The following TMEM26 variants were observed in gnomAD, a reference collection of about 807,000 sequenced individuals.
The protein encoded by TMEM26 is transmembrane protein 26.
In TMEM26, 38 loss-of-function variants were observed where a neutral mutation model predicts 28.8. The observed-to-expected ratio is 1.32, with a 90% CI of 1.02 to 1.73. The LOEUF (loss-of-function observed/expected upper bound fraction) is 1.73. Among genes scored for constraint, TMEM26 ranks in the 40% most tolerant of loss-of-function variants. The pLI is 0.00. For missense variants in TMEM26, 518 were observed against 447.1 expected (o/e 1.16, Z -1.43); for synonymous variants, 227 against 182.9 (o/e 1.24, Z -1.95).
At chr10:61,418,098 G>A (rs999414051) in intron 4 of TMEM26, among the ~76,000 whole-genome samples, 1 of 151,716 alleles carries the variant, frequency 6.6e-6, no homozygotes, top group Non-Finnish European at 1.5e-5. Context: ...ACTGAATGAA[G>A]TTAAATAGAT....
At chr10:61,418,235 G>T (rs1012570734) in intron 4 of TMEM26, among the ~76,000 whole-genome samples, 3 of 152,036 alleles carry the variant, frequency 2.0e-5, no homozygotes, top group African/African-American at 7.2e-5. Context: ...ACTGGAGACT[G>T]TTAGGATGGA....
At chr10:61,431,382 TG>T in intron 2 of TMEM26, 50 bp from the exon 3 acceptor site, 1 of 1,310,492 alleles carries the variant, frequency 7.6e-7, no homozygotes, top group Non-Finnish European at 1.1e-6. Flanking sequence ...TAGCACAATA[TG>T]GTAGAGATCA....
intron 1 of TMEM26, among the ~76,000 whole-genome samples, chr10:61,443,215 GGCC>G: frequency 6.6e-6 from 1 of 151,770 alleles, no homozygotes; most frequent in East Asian, 1.9e-4. Flanking sequence ...CCCTTTGAGA[GGCC>G]GAGGTGGGCG....
Position 61,453,260 on chromosome 10 carries a change from C to T in TMEM26, c.-179G>A. ...AACTGGTGCGCGGCTCGCCCCTCCC[C>T]CAAACTTCCTGAGAACTCTTCAAAG... On this transcript the variant is annotated 5_prime_UTR_variant, in exon 1 of 6. Coordinates refer to ENST00000399298, the MANE Select transcript of TMEM26 (RefSeq NM_178505.8). 1 of 639,912 alleles carries T rather than the reference C, an allele frequency of 1.6e-6. No individual in the cohort carries two copies. The highest frequency in any genetic ancestry group is 2.7e-6 in the Non-Finnish European group (1 of 374,440). 39.6% of individuals were successfully genotyped at this position (639,912 alleles called of 1,614,324 possible). A position where few individuals can be genotyped will look rare whatever the true frequency, so the allele number is the denominator to read the frequency against.
rs759328250 is a variant in TMEM26 at position 61,410,595 on chromosome 10, A to G, written c.834T>C (p.Tyr278=). The G allele has an allele frequency of 3.7e-6, 6 of 1,614,040 alleles. No homozygotes were observed. Among genetic ancestry groups the G allele is most frequent in the Non-Finnish European group, 5.1e-6 (6 of 1,180,038 alleles). Residue 278 remains tyrosine (Y), a synonymous_variant, in exon 6 of 6, where the codon TAT becomes TAC. Coordinates refer to ENST00000399298, the MANE Select transcript of TMEM26 (RefSeq NM_178505.8). The part of the protein sequence containing the change: ...FLVVRLILMT[Y]FKVINQMLVF... ...CCAGCATCTGATTGATCACTTTGAAATAGGTCATCAGTATGAGACGCACGA... is the reference window on the plus strand; with the variant it reads ...CCAGCATCTGATTGATCACTTTGAAGTAGGTCATCAGTATGAGACGCACGA...
chr10:61,415,599 CA>C (rs1471612195), intron 4 of TMEM26, among the ~76,000 whole-genome samples: 2 of 151,870 alleles, frequency 1.3e-5, no homozygotes, highest in South Asian at 4.1e-4. Flanking sequence ...GAAATTTGTC[CA>C]AAATAATGTA....
chr10:61,420,011 C>G (rs1210759893), intron 4 of TMEM26, among the ~76,000 whole-genome samples: 1 of 151,992 alleles, frequency 6.6e-6, no homozygotes. Context: ...GGGAACTGAC[C>G]TCCCCACACA....
intron 3 of TMEM26, 125 bp downstream of exon 3, chr10:61,431,094 A>G: frequency 1.4e-6 from 1 of 712,020 alleles, no homozygotes; most frequent in South Asian, 1.9e-5. Context: ...TGAATTCCTA[A>G]GCCAAACAAT....
chr10:61,451,076 C>A (rs1270368873), intron 1 of TMEM26, among the ~76,000 whole-genome samples: 3 of 152,130 alleles, frequency 2.0e-5, no homozygotes, highest in Non-Finnish European at 4.4e-5. Flanking sequence ...CCAGATTTTA[C>A]CCCATTATCT....
rs35301641 is a variant in TMEM26, at chr10:61,412,248, CTG to C, written c.682+1209_682+1210del. Among the ~76,000 whole-genome samples, 1,012 of 150,190 alleles carry C rather than the reference CTG, an allele frequency of 6.7e-3. 31 individuals are homozygous for C. Among genetic ancestry groups the C allele is most frequent in the East Asian group, 0.062 (320 of 5,124 alleles). ...CTTCCAGGGCACATTATGACAAAAT[CTG>C]TGTGTGTGTGTGTGTGTTAGCATAC... On this transcript the variant is annotated intron_variant, in intron 5 of 5. Transcript: ENST00000399298.
intron 4 of TMEM26, chr10:61,414,618 C>T (rs1288733426): frequency 6.6e-6 from 1 of 151,936 alleles, no homozygotes; most frequent in Non-Finnish European, 1.5e-5. Flanking sequence ...TCTCAACTTT[C>T]AAAATGAAGC....
rs1334428608 is a variant in TMEM26 at position 61,413,920 on chromosome 10, G to C, written c.606-385C>G. ...GTGGGAGGATTAATAATTATTCTAA[G>C]AAACCAGGGATCGAATTGAAAAGAC... is the stretch of plus-strand genomic sequence containing the variant. On this transcript the variant is annotated intron_variant, in intron 4 of 5. Transcript: ENST00000399298. 5 of 988,206 alleles carry C rather than the reference G, an allele frequency of 5.1e-6. No homozygotes were observed. The East Asian group carries it at 5.6e-4, about 110-fold the overall frequency. The allele number at this position is 988,206 out of a possible 1,614,324, so 61.2% of individuals were successfully genotyped here. A position where few individuals can be genotyped will look rare whatever the true frequency, so the allele number is the denominator to read the frequency against.
chr10:61,435,036 G>T (rs1179543864), intron 2 of TMEM26, among the ~76,000 whole-genome samples: 2 of 152,158 alleles, frequency 1.3e-5, no homozygotes, highest in Non-Finnish European at 2.9e-5. Context: ...GAATCAGATG[G>T]ACTTTAGAAA....
chr10:61,443,316 T>C (rs1021353719), intron 1 of TMEM26, among the ~76,000 whole-genome samples: 3 of 145,402 alleles, frequency 2.1e-5, no homozygotes, highest in Non-Finnish European at 4.5e-5. Flanking sequence ...AAAAAAAAAA[T>C]TAGCCGGTTG....
intron 5 of TMEM26, 136 bp from the exon 6 acceptor site, chr10:61,410,882 A>C (rs984682083): frequency 1.1e-6 from 1 of 928,086 alleles, no homozygotes. Flanking sequence ...ATGGAAATCA[A>C]ATGGAATGAT....
intron 5 of TMEM26, among the ~76,000 whole-genome samples, chr10:61,412,153 T>A (rs559908303): frequency 4.3e-4 from 65 of 152,124 alleles, no homozygotes; most frequent in Non-Finnish European, 8.2e-4. Flanking sequence ...AGGTATTAAT[T>A]CAGTATCTAA....
intron 4 of TMEM26, among the ~76,000 whole-genome samples, chr10:61,419,080 A>T (rs147464994): frequency 0.01 from 1,568 of 152,262 alleles, 11 homozygotes; most frequent in Non-Finnish European, 0.017. Context: ...AGGAATTTTT[A>T]AAAAATCTGA....
intron 4 of TMEM26, among the ~76,000 whole-genome samples, chr10:61,425,026 C>T (rs1839807537): frequency 6.6e-6 from 1 of 152,144 alleles, no homozygotes; most frequent in Non-Finnish European, 1.5e-5. Context: ...ATACCCAACA[C>T]TGGGTAATTT....
In TMEM26 at chr10:61,452,940, G is replaced by C; in HGVS notation, c.142C>G (p.Leu48Val). 1.9e-6 allele frequency: 3 copies of C among 1,614,074 alleles called. No individual in the cohort carries two copies. The East Asian group carries it at 6.7e-5, about 36-fold the overall frequency. ...AACTTGAGGGTGAGCGCAGTCTCCA[G>C]GAAGAGCAAGAGGTTGAGCAGCGCA... ...LLALLNLLLFLETALTLKFKR... is the reference protein window; with the variant it reads ...LLALLNLLLFVETALTLKFKR... The change falls in exon 1 of 6, where the codon CTG becomes GTG. Residue 48 changes from leucine to valine, a missense_variant. Leu to Val is a conservative substitution (Grantham distance 32). Coordinates refer to ENST00000399298, the MANE Select transcript of TMEM26 (RefSeq NM_178505.8).
Sources: allele counts gnomAD v4.1 joint callset (sites outside exome capture counted in the v4.1 genomes callset), GRCh38; gene constraint gnomAD v4.1.1; transcripts MANE v1.5; gene names NCBI Gene and HGNC (gene_info 2026-07-23, HGNC 2026-07-21).